Variants in RTL9 observed in about 807,000 individuals in gnomAD.
The protein encoded by RTL9 is retrotransposon Gag like 9.
A neutral mutation model predicts 44.7 loss-of-function variants in RTL9; 19 were observed. The observed-to-expected ratio is 0.42, with a 90% CI of 0.30 to 0.62. The LOEUF is 0.62. Ranked by LOEUF, RTL9 falls within the 20% of genes least tolerant of loss-of-function variation. RTL9 has a pLI of 0.16. For missense variants in RTL9, 1,105 were observed against 1,080.6 expected, an observed-to-expected ratio of 1.02 and a Z score of -0.32; for synonymous variants, 407 against 398.9, an observed-to-expected ratio of 1.02 and a Z score of -0.24.
chrX:110,401,945 GTC>G (rs1482196202), intron 1 of RTL9, among the ~76,000 whole-genome samples: 1 of 111,873 alleles, frequency 8.9e-6, no homozygotes, highest in Non-Finnish European at 1.9e-5. Context: ...AACCATCCAG[GTC>G]TCTCTTCGCT....
At chrX:110,415,450 T>C (rs2068670413), upstream of RTL9, among the ~76,000 whole-genome samples, 1 of 111,942 alleles carries the variant, frequency 8.9e-6, no homozygotes, top group Admixed American at 9.5e-5. Context: ...AAATGTTCTT[T>C]AGTGCTGCTT....
chrX:110,452,080 A>G, exon 1 of RTL9: 1 of 1,211,132 alleles, frequency 8.3e-7, no homozygotes, highest in Non-Finnish European at 1.1e-6. Flanking sequence ...GCAAAACAAT[A>G]CAAGAGAGCC....
At chrX:110,408,441 C>G (rs1477160090) in intron 1 of RTL9, among the ~76,000 whole-genome samples, 3 of 112,699 alleles carry the variant, frequency 2.7e-5, no homozygotes, top group Non-Finnish European at 5.6e-5. Flanking sequence ...GAAAAATAGT[C>G]TAGCATCCCG....
upstream of RTL9, among the ~76,000 whole-genome samples, chrX:110,449,881 G>A (rs2068929005): frequency 8.9e-6 from 1 of 112,366 alleles, no homozygotes; most frequent in African/African-American, 3.2e-5. Flanking sequence ...AGGCCCTCAC[G>A]TTATAGGAAG....
At chrX:110,399,243 C>T (rs867086616) in intron 1 of RTL9, among the ~76,000 whole-genome samples, 7 of 112,627 alleles carry the variant, frequency 6.2e-5, no homozygotes, top group Non-Finnish European at 1.3e-4. Context: ...CAGAACAACC[C>T]TTCAAGGTAG....
chrX:110,392,271 G>A (rs1020065023), intron 1 of RTL9, among the ~76,000 whole-genome samples: 6 of 103,299 alleles, frequency 5.8e-5, no homozygotes, highest in African/African-American at 2.2e-4. Flanking sequence ...TTCTACCACA[G>A]GTTTTTTTTT....
At chrX:110,432,810 C>T (rs980987491) in intron 1 of RTL9, among the ~76,000 whole-genome samples, 2 of 112,833 alleles carry the variant, frequency 1.8e-5, no homozygotes, top group Non-Finnish European at 3.7e-5. Context: ...GAAGTCCCAG[C>T]ACTTGAAATT....
At chrX:110,419,802 C>T (rs961564418) in intron 1 of RTL9, among the ~76,000 whole-genome samples, 3 of 112,158 alleles carry the variant, frequency 2.7e-5, no homozygotes, top group East Asian at 2.8e-4. Flanking sequence ...GGAGTCTCAT[C>T]GCCAGACACA....
At chrX:110,422,003 T>C (rs1459569859) in intron 1 of RTL9, among the ~76,000 whole-genome samples, 3 of 113,227 alleles carry the variant, frequency 2.6e-5, no homozygotes, top group Non-Finnish European at 5.6e-5. Flanking sequence ...TTGGTATTTG[T>C]TTTATTCTAA....
intron 1 of RTL9, among the ~76,000 whole-genome samples, chrX:110,377,966 G>A (rs1292888562): frequency 5.6e-5 from 5 of 89,225 alleles, no homozygotes; most frequent in African/African-American, 9.5e-5. Flanking sequence ...CCGAGATCGC[G>A]CCACTGCACT....
intron 1 of RTL9, among the ~76,000 whole-genome samples, chrX:110,396,414 T>C (rs1473716752): frequency 2.7e-5 from 3 of 110,475 alleles, no homozygotes; most frequent in Non-Finnish European, 5.7e-5. Context: ...GGGATATTTT[T>C]ATATACAATG....
At chrX:110,450,778 C>T in exon 1 of RTL9, 2 of 1,211,848 alleles carry the variant, frequency 1.7e-6, no homozygotes, top group South Asian at 1.8e-5. Context: ...GTCTCAACTT[C>T]AGCCTCAGAC....
At chrX:110,360,802 A>G (rs2068258129) in intron 1 of RTL9, among the ~76,000 whole-genome samples, 1 of 111,208 alleles carries the variant, frequency 9.0e-6, no homozygotes, top group African/African-American at 3.3e-5. Context: ...CCTGGACTAC[A>G]ATGGTAGCAG....
chrX:110,380,697 C>T (rs1252525445), intron 1 of RTL9, among the ~76,000 whole-genome samples: 1 of 112,343 alleles, frequency 8.9e-6, no homozygotes, highest in Non-Finnish European at 1.9e-5. Context: ...TCAAACTATA[C>T]TACAAGGCTA....
rs766678813 is a variant in RTL9, at chrX:110,451,911, C to T, written c.1294C>T (p.Pro432Ser). 3.2e-5 allele frequency: 39 copies of T among 1,209,902 alleles called. No individual in the cohort carries two copies. Among genetic ancestry groups the T allele is most frequent in the Non-Finnish European group, 4.2e-5 (38 of 895,119 alleles). ...TATGTCTACATTGCAAAAGACAGTT[C>T]CAGCCTCTGGAGCCATGACCACCTC... The change falls in exon 1 of 2, where the codon CCA becomes TCA. Residue 432 changes from proline to serine, a missense_variant. Coordinates refer to ENST00000540313, the Ensembl canonical transcript of RTL9.
chrX:110,361,934 T>C (rs924980690), intron 1 of RTL9, among the ~76,000 whole-genome samples: 1 of 111,899 alleles, frequency 8.9e-6, no homozygotes, highest in Admixed American at 9.5e-5. Flanking sequence ...CCAATAAAAC[T>C]GTATTTACCA....
upstream of RTL9, among the ~76,000 whole-genome samples, chrX:110,418,685 C>A (rs746255808): frequency 9.0e-6 from 1 of 111,667 alleles, no homozygotes; most frequent in South Asian, 3.8e-4. Context: ...AAGATGGGAC[C>A]TTATGGGATC....
At chrX:110,373,635 A>G (rs2068355224) in intron 1 of RTL9, among the ~76,000 whole-genome samples, 1 of 112,540 alleles carries the variant, frequency 8.9e-6, no homozygotes, top group Non-Finnish European at 1.9e-5. Context: ...TACAGATAAT[A>G]CAGTAATCTG....
intron 1 of RTL9, among the ~76,000 whole-genome samples, chrX:110,433,057 G>A (rs2068809910): frequency 8.9e-6 from 1 of 112,638 alleles, no homozygotes; most frequent in African/African-American, 3.2e-5. Flanking sequence ...CAAGAGGGCT[G>A]CTCCCGGGTG....
Sources: allele counts gnomAD v4.1 joint callset (sites outside exome capture counted in the v4.1 genomes callset), GRCh38; gene constraint gnomAD v4.1.1; transcripts MANE v1.5; gene names NCBI Gene and HGNC (gene_info 2026-07-23, HGNC 2026-07-21).